Variants in TNIK observed in about 807,000 individuals in gnomAD.
The protein encoded by TNIK is TRAF2 and NCK interacting kinase, also known as TRAF2 and NCK-interacting protein kinase.
TNIK carries 49 observed loss-of-function variants against 191.3 expected under a neutral mutation model. That is an observed-to-expected ratio of 0.26 (90% CI 0.20 to 0.32). TNIK has a LOEUF of 0.32. Among genes scored for constraint, TNIK ranks in the 10% least tolerant of loss-of-function variants. The pLI is 1.00. For missense variants in TNIK, 1,155 were observed against 1,702.3 expected (o/e 0.68, Z 5.66); for synonymous variants, 594 against 600.9 (o/e 0.99, Z 0.17).
chr3:171,240,403 G>A (rs1033547420), intron 2 of TNIK, among the ~76,000 whole-genome samples: 1 of 152,182 alleles, frequency 6.6e-6, no homozygotes, highest in Admixed American at 6.5e-5. Flanking sequence ...CTCTAACTGT[G>A]TAGAACAGAT....
intron 24 of TNIK, among the ~76,000 whole-genome samples, chr3:171,086,972 C>T (rs942445091): frequency 5.9e-5 from 9 of 152,164 alleles, no homozygotes; most frequent in African/African-American, 1.9e-4. Flanking sequence ...TAAATTAACA[C>T]AAATATAAAC....
intron 22 of TNIK, among the ~76,000 whole-genome samples, chr3:171,097,093 C>T (rs1216605662): frequency 2.0e-5 from 3 of 152,066 alleles, no homozygotes; most frequent in Admixed American, 6.5e-5. Flanking sequence ...TAGAACTTTA[C>T]AGGAAAAAGA....
At chr3:171,240,148 C>T (rs544665638) in intron 2 of TNIK, among the ~76,000 whole-genome samples, 4 of 152,230 alleles carry the variant, frequency 2.6e-5, no homozygotes, top group Admixed American at 6.5e-5. Flanking sequence ...TTCTTCTTTC[C>T]ACCACATTTT....
At chr3:171,259,337 G>T (rs1172605333) in intron 2 of TNIK, among the ~76,000 whole-genome samples, 1 of 152,148 alleles carries the variant, frequency 6.6e-6, no homozygotes, top group Non-Finnish European at 1.5e-5. Context: ...CGGCTGATGG[G>T]ATAAGACTCA....
intron 28 of TNIK, among the ~76,000 whole-genome samples, chr3:171,073,587 CA>C (rs1418517771): frequency 6.6e-6 from 1 of 152,076 alleles, no homozygotes; most frequent in Non-Finnish European, 1.5e-5. Flanking sequence ...AGTAAGGAGA[CA>C]ACCTACATGA....
chr3:171,411,290 G>A (rs928549529), intron 1 of TNIK, among the ~76,000 whole-genome samples: 1 of 151,938 alleles, frequency 6.6e-6, no homozygotes, highest in Non-Finnish European at 1.5e-5. Context: ...TGACCAGGCT[G>A]GCTGAGAAAT....
intron 2 of TNIK, among the ~76,000 whole-genome samples, chr3:171,296,190 C>T (rs1414311327): frequency 1.3e-5 from 2 of 152,154 alleles, no homozygotes; most frequent in Non-Finnish European, 2.9e-5. Flanking sequence ...CTGTGCTTGA[C>T]CCCCACTATT....
intron 2 of TNIK, among the ~76,000 whole-genome samples, chr3:171,260,318 G>A (rs894020908): frequency 6.6e-6 from 1 of 152,100 alleles, no homozygotes. Context: ...AGATGCTATT[G>A]CAATGGTTCC....
At chr3:171,347,533 G>A (rs1460465831) in intron 2 of TNIK, among the ~76,000 whole-genome samples, 2 of 152,118 alleles carry the variant, frequency 1.3e-5, no homozygotes, top group African/African-American at 2.4e-5. Context: ...CACCTACAAA[G>A]CAATCAGCAA....
Position 171,460,284 on chromosome 3 carries a change from C to A in TNIK, c.-221G>T, listed in dbSNP as rs1168066169. On this transcript the variant is annotated 5_prime_UTR_variant, in exon 1 of 33. Coordinates refer to ENST00000436636, the MANE Select transcript of TNIK (RefSeq NM_015028.4). This position sits in a 1 kb window ranked among gnomAD's most constrained non-coding sequence, Gnocchi z 6.8. ...CCAGCCTGCGCGGATCTCCAAGCCC[C>A]GAGCAGCGGTGCGTGTGGGCTGAGC... 7 of 611,030 alleles carry A rather than the reference C, an allele frequency of 1.1e-5. No homozygotes were observed. The highest frequency in any genetic ancestry group is 3.8e-5 in the African/African-American group (2 of 53,196). 37.9% of individuals were successfully genotyped at this position (611,030 alleles called of 1,614,324 possible). A position where few individuals can be genotyped will look rare whatever the true frequency, so the allele number is the denominator to read the frequency against.
chr3:171,157,341 C>A (rs1576991254), intron 12 of TNIK, 119 bp downstream of exon 12: 12 of 1,251,014 alleles, frequency 9.6e-6, no homozygotes, highest in Non-Finnish European at 1.3e-5. Flanking sequence ...TTGCAGTCAA[C>A]CCCTTTGTGC....
chr3:171,320,567 G>A (rs1755068124), intron 2 of TNIK, among the ~76,000 whole-genome samples: 1 of 152,066 alleles, frequency 6.6e-6, no homozygotes, highest in Non-Finnish European at 1.5e-5. Context: ...GTTTCTCCAA[G>A]GTAAGAGTTT....
At chr3:171,416,132 A>C (rs937334974) in intron 1 of TNIK, among the ~76,000 whole-genome samples, 1 of 152,058 alleles carries the variant, frequency 6.6e-6, no homozygotes, top group Non-Finnish European at 1.5e-5. Context: ...CAGAGTAAGC[A>C]AAAACTGACA....
chr3:171,412,465 C>T (rs965721123), intron 1 of TNIK, among the ~76,000 whole-genome samples: 2 of 152,200 alleles, frequency 1.3e-5, no homozygotes, highest in African/African-American at 4.8e-5. Flanking sequence ...AACAGAACAA[C>T]TTGGTGATAG....
At chr3:171,412,098 A>G (rs1457338867) in intron 1 of TNIK, among the ~76,000 whole-genome samples, 2 of 152,192 alleles carry the variant, frequency 1.3e-5, no homozygotes, top group East Asian at 1.9e-4. Flanking sequence ...GCAAAGTCCA[A>G]AAACAAGGTA....
chr3:171,191,572 T>C (rs1208616397), intron 5 of TNIK, among the ~76,000 whole-genome samples: 2 of 152,228 alleles, frequency 1.3e-5, no homozygotes, highest in African/African-American at 4.8e-5. Flanking sequence ...AAGTAAAATA[T>C]TTCTCAGACC....
At chr3:171,380,507 C>T (rs1326700023) in intron 1 of TNIK, among the ~76,000 whole-genome samples, 1 of 152,244 alleles carries the variant, frequency 6.6e-6, no homozygotes, top group African/African-American at 2.4e-5. Context: ...AGACCAATGA[C>T]ACGTTATTTG....
Position 171,084,332 on chromosome 3 carries a change from G to T in TNIK, c.2999-7C>A, listed in dbSNP as rs776167445. The T allele has an allele frequency of 4.4e-6, 7 of 1,606,284 alleles. No homozygotes were observed. The South Asian group carries it at 7.8e-5, about 18-fold the overall frequency. On this transcript the variant is annotated splice_region_variant and splice_polypyrimidine_tract_variant and intron_variant, in intron 25 of 32. Coordinates refer to ENST00000436636, the MANE Select transcript of TNIK (RefSeq NM_015028.4). ...AGTTCGCTAGTAAACAGAGCTTTGA[G>T]AAAAAGAATCAGAGAAGTCAGTGAC...
At chr3:171,451,678 C>T (rs1255896081) in intron 1 of TNIK, among the ~76,000 whole-genome samples, 1 of 152,198 alleles carries the variant, frequency 6.6e-6, no homozygotes, top group Non-Finnish European at 1.5e-5. Context: ...AGAAAAAAAT[C>T]AGTGTGGCTA....
Sources: gnomAD v4.1 joint callset for allele counts (sites outside exome capture counted in the v4.1 genomes callset) on GRCh38, gnomAD v4.1.1 for gene constraint, Gnocchi (gnomAD v3.1) non-coding constraint, MANE v1.5 for transcripts, NCBI Gene and HGNC (gene_info 2026-07-23, HGNC 2026-07-21) for gene names.